Variants in SH3TC2 observed in about 807,000 individuals in gnomAD.
SH3TC2 encodes the protein SH3 domain and tetratricopeptide repeats 2, also known as SH3 domain and tetratricopeptide repeat-containing protein 2.
In SH3TC2, 87 loss-of-function variants were observed where a neutral mutation model predicts 124.5. The observed-to-expected ratio is 0.70, with a 90% confidence interval of 0.59 to 0.84. The LOEUF (loss-of-function observed/expected upper bound fraction) is 0.84. Among genes scored for constraint, SH3TC2 ranks in the 40% least tolerant of loss-of-function variants. The pLI is 0.00. For missense variants in SH3TC2, 1,536 were observed against 1,566.4 expected (o/e 0.98, Z 0.33); for synonymous variants, 634 against 628.5 (o/e 1.01, Z -0.13).
intron 12 of SH3TC2, among the ~76,000 whole-genome samples, chr5:149,015,711 C>T (rs1753860494): frequency 1.3e-5 from 2 of 152,172 alleles, no homozygotes; most frequent in Non-Finnish European, 2.9e-5. Flanking sequence ...TCCAGACTTC[C>T]TCTTACCACC....
rs1003850273 is a variant in SH3TC2 at position 148,982,833 on chromosome 5, G to T, written c.*21878C>A. On this transcript the variant is annotated 3_prime_UTR_variant, in exon 17 of 17. Coordinates refer to ENST00000515425, the MANE Select transcript of SH3TC2 (RefSeq NM_024577.4). The stretch of plus-strand genomic sequence containing the variant: ...TGGGAATCATGAGAATTCATTATTT[G>T]TTCATATAGATTACTTAAAAATACT... Among the ~76,000 whole-genome samples the T allele has an allele frequency of 6.6e-6, 1 of 152,164 alleles. No individual in the cohort carries two copies. Among genetic ancestry groups the T allele is most frequent in the African/African-American group, 2.4e-5 (1 of 41,438 alleles).
chr5:149,052,792 A>G (rs1754580071), intron 1 of SH3TC2, among the ~76,000 whole-genome samples: 2 of 152,238 alleles, frequency 1.3e-5, no homozygotes, highest in Admixed American at 1.3e-4. Flanking sequence ...TGGAGTAAAA[A>G]GAAGAAGAAA....
rs183254920 is a variant in SH3TC2 at position 149,000,112 on chromosome 5, T to G, written c.*4599A>C. Among the ~76,000 whole-genome samples the G allele has an allele frequency of 3.0e-4, 45 of 152,294 alleles. No individual in the cohort carries two copies. The highest frequency in any genetic ancestry group is 2.9e-3 in the Admixed American group (45 of 15,300). ...TCTGGGTAAAATCCCTTCCCCGCAGTGCCTGTAACATCCTGTAACTAACAC... is the reference window on the plus strand; with the variant it reads ...TCTGGGTAAAATCCCTTCCCCGCAGGGCCTGTAACATCCTGTAACTAACAC... On this transcript the variant is annotated 3_prime_UTR_variant, in exon 17 of 17. Transcript: ENST00000515425.
At chr5:149,058,485 A>G (rs1433610777) in intron 1 of SH3TC2, among the ~76,000 whole-genome samples, 2 of 151,778 alleles carry the variant, frequency 1.3e-5, no homozygotes, top group Non-Finnish European at 2.9e-5. Flanking sequence ...TCATCTACAT[A>G]CTTTTTATAT....
At position 149,027,697 on chromosome 5, in the gene SH3TC2, G is replaced by A. The variant is rs903353247; in HGVS notation, c.2035C>T (p.Leu679=). ...TGTGGAAGATATTTCTTGTCATACA[G>A]AAAACTCAAAACACTGGCCACAGCC... ...SEAVASVLSF[L]YDKKYLPHLA... Residue 679 remains leucine, a synonymous_variant, in exon 11 of 17, where the codon CTG becomes TTG. Transcript: ENST00000515425. 2 of 1,614,026 alleles carry A rather than the reference G, an allele frequency of 1.2e-6. No individual in the cohort carries two copies. The highest frequency in any genetic ancestry group is 1.7e-6 in the Non-Finnish European group (2 of 1,179,964).
chr5:149,056,919 T>A (rs1204182014), intron 1 of SH3TC2, among the ~76,000 whole-genome samples: 1 of 152,240 alleles, frequency 6.6e-6, no homozygotes, highest in Non-Finnish European at 1.5e-5. Flanking sequence ...AAAAAATGTA[T>A]GATTTTTATA....
In SH3TC2 at chr5:148,989,709, A is replaced by G. The variant is rs1348010946; in HGVS notation, c.*15002T>C. Among the ~76,000 whole-genome samples, 1 of 152,226 alleles carries G rather than the reference A, an allele frequency of 6.6e-6. No individual in the cohort carries two copies. The highest frequency in any genetic ancestry group is 1.5e-5 in the Non-Finnish European group (1 of 68,044). ...CTTATGCCATTCTTCCAGAACATGA[A>G]TACTGGAACCACTCATTCAAGGGGA... On this transcript the variant is annotated 3_prime_UTR_variant, in exon 17 of 17. Coordinates refer to ENST00000515425, the MANE Select transcript of SH3TC2 (RefSeq NM_024577.4).
In SH3TC2 at chr5:149,027,099, G is replaced by T. The variant is rs1580899932; in HGVS notation, c.2633C>A (p.Ala878Asp). ...GCTCAGGTGGCCAAGATTGGCCATA[G>T]CCACTGCCTGGTTATGCACATCTCC... ...EVGDVHNQAV[A>D]MANLGHLSLK... is the part of the protein sequence containing the mutation. Residue 878 changes from alanine to aspartate, a missense_variant, in exon 11 of 17, where the codon GCT (alanine) becomes GAT (aspartate). Coordinates refer to ENST00000515425, the MANE Select transcript of SH3TC2 (RefSeq NM_024577.4). 2 of 1,614,174 alleles carry T rather than the reference G, an allele frequency of 1.2e-6. No homozygotes were observed. The highest frequency in any genetic ancestry group is 1.7e-6 in the Non-Finnish European group (2 of 1,180,028).
intron 4 of SH3TC2, chr5:149,043,510 T>C (rs1754406088): frequency 6.4e-6 from 1 of 155,594 alleles, no homozygotes; most frequent in Non-Finnish European, 1.4e-5. Context: ...CTATCCTGAC[T>C]GTCCATTGTG....
chr5:149,017,273 C>T (rs535902142), intron 12 of SH3TC2, among the ~76,000 whole-genome samples: 1 of 152,300 alleles, frequency 6.6e-6, no homozygotes, highest in East Asian at 1.9e-4. Context: ...ACAGAGTTCT[C>T]ATGGACCCCA....
Position 149,044,419 on chromosome 5 carries a change from T to A in SH3TC2, c.385+114A>T, listed in dbSNP as rs553935281. On this transcript the variant is annotated intron_variant, in intron 4 of 16. Transcript: ENST00000515425. Reference sequence around the variant, plus strand: ...AATTTCAAAAGTTAACCATCTTTTTTAAGGCTCTATTTCTCTTAATTACCA... The same window carrying A: ...AATTTCAAAAGTTAACCATCTTTTTAAAGGCTCTATTTCTCTTAATTACCA... 5.7e-4 allele frequency: 446 copies of A among 776,384 alleles called. 3 individuals are homozygous for A. The African/African-American group carries it at 7.2e-3, about 13-fold the overall frequency. The allele number at this position is 776,384 out of a possible 1,614,324, so 48.1% of individuals were successfully genotyped here.
chr5:149,042,648 C>T (rs1229917751), intron 5 of SH3TC2, 46 bp downstream of exon 5: 1 of 1,612,408 alleles, frequency 6.2e-7, no homozygotes, highest in South Asian at 1.1e-5. Flanking sequence ...CCTCTGGTAG[C>T]AAATATCTGA....
intron 7 of SH3TC2, 126 bp downstream of exon 7, chr5:149,040,478 C>A: frequency 1.1e-6 from 1 of 875,278 alleles, no homozygotes; most frequent in East Asian, 2.5e-5. Flanking sequence ...ACTGGCTTCC[C>A]TAAATCCAGT....
Position 149,048,142 on chromosome 5 carries a change from G to A in SH3TC2, c.152-153C>T, listed in dbSNP as rs185818467. 4.3e-4 allele frequency: 450 copies of A among 1,040,064 alleles called. 2 individuals are homozygous for A. Among genetic ancestry groups the A allele is most frequent in the Admixed American group, 1.5e-3 (76 of 50,366 alleles). The allele number at this position is 1,040,064 out of a possible 1,614,324, so 64.4% of individuals were successfully genotyped here. On this transcript the variant is annotated intron_variant, in intron 2 of 16. Transcript: ENST00000515425. Reference sequence around the variant, plus strand: ...ATTAGAGTGGTCTTAACACTTCTCGGAGCACTCCTTTAAATGGTCCTCCCT... The same window carrying A: ...ATTAGAGTGGTCTTAACACTTCTCGAAGCACTCCTTTAAATGGTCCTCCCT...
intron 12 of SH3TC2, among the ~76,000 whole-genome samples, chr5:149,017,064 T>A (rs1406548899): frequency 6.6e-6 from 1 of 152,234 alleles, no homozygotes; most frequent in Admixed American, 6.5e-5. Context: ...AATAATAATA[T>A]GCACATCCTT....
chr5:148,983,987 A>C lies in SH3TC2; in HGVS notation c.*20724T>G, dbSNP rs1293109059. Among the ~76,000 whole-genome samples the C allele has an allele frequency of 2.0e-5, 3 of 152,154 alleles. No homozygotes were observed. Among genetic ancestry groups the C allele is most frequent in the African/African-American group, 7.2e-5 (3 of 41,442 alleles). Reference sequence around the variant, plus strand: ...CACTTGAACCAATACATTTTTTTAAAATTACTTAAGCCAGTTTGAGTTTCA... The same window carrying C: ...CACTTGAACCAATACATTTTTTTAACATTACTTAAGCCAGTTTGAGTTTCA... On this transcript the variant is annotated 3_prime_UTR_variant, in exon 17 of 17. Coordinates refer to ENST00000515425, the MANE Select transcript of SH3TC2 (RefSeq NM_024577.4).
rs1189488100 is a variant in SH3TC2 at position 148,997,147 on chromosome 5, T to C, written c.*7564A>G. 6.6e-6 allele frequency among the ~76,000 whole-genome samples: 1 copy of C among 152,226 alleles called. No individual in the cohort carries two copies. Among genetic ancestry groups the C allele is most frequent in the African/African-American group, 2.4e-5 (1 of 41,468 alleles). On this transcript the variant is annotated 3_prime_UTR_variant, in exon 17 of 17. Coordinates refer to ENST00000515425, the MANE Select transcript of SH3TC2 (RefSeq NM_024577.4). The stretch of plus-strand genomic sequence containing the variant: ...ATGTCAAAAGTAGGCTATTCTCTCA[T>C]GTTCATGATCTTCCTTCTGCTACCA...
chr5:149,018,816 C>T (rs1392032883), intron 12 of SH3TC2, among the ~76,000 whole-genome samples: 1 of 152,200 alleles, frequency 6.6e-6, no homozygotes. Flanking sequence ...CACCTAAAAC[C>T]TACCCTTCTC....
chr5:148,992,402 A>T lies in SH3TC2; in HGVS notation c.*12309T>A, dbSNP rs188078442. ...TTTATCCATAAGCAGTATGTATGTC[A>T]GTTCTCAGGCATCACCTGGAGGATA... On this transcript the variant is annotated 3_prime_UTR_variant, in exon 17 of 17. Coordinates refer to ENST00000515425, the MANE Select transcript of SH3TC2 (RefSeq NM_024577.4). Among the ~76,000 whole-genome samples, 2 of 152,268 alleles carry T rather than the reference A, an allele frequency of 1.3e-5. No homozygotes were observed. Among genetic ancestry groups the T allele is most frequent in the East Asian group, 3.9e-4 (2 of 5,172 alleles).
Sources: gnomAD v4.1 joint callset for allele counts (sites outside exome capture counted in the v4.1 genomes callset) on GRCh38, gnomAD v4.1.1 for gene constraint, MANE v1.5 for transcripts, NCBI Gene and HGNC (gene_info 2026-07-23, HGNC 2026-07-21) for gene names.